Variants in PTPRD observed in about 807,000 individuals in gnomAD.
The protein encoded by PTPRD is protein tyrosine phosphatase receptor type D.
A neutral mutation model predicts 214.5 loss-of-function variants in PTPRD; 34 were observed. That is an observed-to-expected ratio of 0.16 (90% confidence interval 0.12 to 0.21). PTPRD has a LOEUF of 0.21. Among genes scored for constraint, PTPRD ranks in the 10% least tolerant of loss-of-function variants. The pLI is 1.00. For missense variants in PTPRD, 2,545 were observed against 2,398.7 expected, an observed-to-expected ratio of 1.06 and a Z score of -1.27; for synonymous variants, 1,128 against 845.7, an observed-to-expected ratio of 1.33 and a Z score of -5.79.
intron 5 of PTPRD, among the ~76,000 whole-genome samples, chr9:9,935,921 C>A (rs911819392): frequency 6.6e-6 from 1 of 150,672 alleles, no homozygotes; most frequent in African/African-American, 2.5e-5. Context: ...AGAAATAATG[C>A]TGCATATCTA....
chr9:8,818,083 T>C (rs1306409933), intron 11 of PTPRD, among the ~76,000 whole-genome samples: 1 of 152,224 alleles, frequency 6.6e-6, no homozygotes, highest in African/African-American at 2.4e-5. Flanking sequence ...GAATTTCAAT[T>C]GAACTACAAT....
At chr9:9,317,505 C>T (rs1963908274) in intron 9 of PTPRD, among the ~76,000 whole-genome samples, 1 of 152,088 alleles carries the variant, frequency 6.6e-6, no homozygotes. Context: ...GTCTACCCCA[C>T]CTCCTAAACG....
intron 8 of PTPRD, among the ~76,000 whole-genome samples, chr9:9,436,631 T>A (rs562389677): frequency 6.7e-6 from 1 of 149,668 alleles, no homozygotes; most frequent in East Asian, 1.9e-4. Flanking sequence ...CAAAGGCATA[T>A]GTGTCATTGT....
intron 9 of PTPRD, among the ~76,000 whole-genome samples, chr9:9,386,487 G>A (rs2063913357): frequency 6.6e-6 from 1 of 152,094 alleles, no homozygotes; most frequent in South Asian, 2.1e-4. Flanking sequence ...AGCTTCAACA[G>A]GGCAGTGGTG....
chr9:9,285,873 T>C (rs1229045857), intron 9 of PTPRD, among the ~76,000 whole-genome samples: 2 of 151,810 alleles, frequency 1.3e-5, no homozygotes, highest in Non-Finnish European at 2.9e-5. Flanking sequence ...TCTATCTATA[T>C]CTGTATCTAT....
rs751520215 is a variant in PTPRD at position 8,504,405 on chromosome 9, G to C, written c.1678C>G (p.Gln560Glu). 25 of 1,613,918 alleles carry C rather than the reference G, an allele frequency of 1.5e-5. No individual in the cohort carries two copies. The highest frequency in any genetic ancestry group is 6.7e-5 in the Admixed American group (4 of 59,986). The part of the protein sequence containing the change: ...VYKDGEHGEE[Q>E]RITIEPGTSY... The stretch of plus-strand genomic sequence containing the variant: ...GTCCCTGGCTCAATGGTAATTCGTT[G>C]CTGGAAGCAATAAGAGAATGTGGTC... The change falls in exon 23 of 46, where the codon CAA (glutamine) becomes GAA (glutamate). Residue 560 changes from glutamine (Q) to glutamate (E), a missense_variant and splice_region_variant. Physicochemically the swap from Gln to Glu is conservative, Grantham distance 29. Coordinates refer to ENST00000381196, the MANE Select transcript of PTPRD (RefSeq NM_002839.4).
intron 7 of PTPRD, among the ~76,000 whole-genome samples, chr9:9,624,018 G>A (rs185729170): frequency 2.0e-5 from 3 of 152,230 alleles, no homozygotes; most frequent in Non-Finnish European, 2.9e-5. Flanking sequence ...GGGAATATGA[G>A]CTCATAAAAA....
At chr9:9,310,756 A>G (rs1472804146) in intron 9 of PTPRD, among the ~76,000 whole-genome samples, 1 of 151,940 alleles carries the variant, frequency 6.6e-6, no homozygotes, top group African/African-American at 2.4e-5. Flanking sequence ...CGTCTCTACT[A>G]AAAATACAAA....
chr9:8,503,206 G>C (rs1255839010), intron 23 of PTPRD, among the ~76,000 whole-genome samples: 2 of 152,124 alleles, frequency 1.3e-5, no homozygotes, highest in Non-Finnish European at 2.9e-5. Context: ...TATAGAAAAT[G>C]AAATGGTGGA....
At chr9:8,967,607 CA>C (rs146781707) in intron 11 of PTPRD, among the ~76,000 whole-genome samples, 24,612 of 151,690 alleles carry the variant, frequency 0.16, 2,149 homozygotes, top group South Asian at 0.21. Flanking sequence ...AACGTGGTAT[CA>C]AAAAACAATA....
intron 2 of PTPRD, among the ~76,000 whole-genome samples, chr9:10,570,715 C>T (rs1322842556): frequency 6.6e-6 from 1 of 152,016 alleles, no homozygotes; most frequent in Non-Finnish European, 1.5e-5. Flanking sequence ...TTTACAAATG[C>T]GATTTTCCCA....
intron 5 of PTPRD, among the ~76,000 whole-genome samples, chr9:9,767,846 A>G (rs1597250189): frequency 6.6e-6 from 1 of 152,130 alleles, no homozygotes; most frequent in East Asian, 1.9e-4. Flanking sequence ...ACCTAACTGG[A>G]CCATCCAGTA....
rs546035253 is a variant in PTPRD, at chr9:8,826,892, T to TA, written c.-103-92947dup. On this transcript the variant is annotated intron_variant, in intron 11 of 45. Transcript: ENST00000381196. ...CACACACTGGTTCTCATCATATCTT[T>TA]AAAAAAGCTTATGGGATACCCAATG... Among the ~76,000 whole-genome samples the TA allele has an allele frequency of 3.3e-5, 5 of 152,186 alleles. No homozygotes were observed. In the South Asian group the frequency reaches 1.0e-3, roughly 32 times the overall value.
intron 12 of PTPRD, among the ~76,000 whole-genome samples, chr9:8,676,157 C>A (rs1468531761): frequency 6.6e-6 from 1 of 152,122 alleles, no homozygotes; most frequent in Non-Finnish European, 1.5e-5. Context: ...GCATGTAAAT[C>A]TCCATGCATT....
chr9:8,895,336 A>C (rs1402958187), intron 11 of PTPRD, among the ~76,000 whole-genome samples: 1 of 152,186 alleles, frequency 6.6e-6, no homozygotes, highest in Non-Finnish European at 1.5e-5. Flanking sequence ...GCCAAAATAA[A>C]AACATAAGTC....
chr9:10,377,278 C>T (rs765966264), intron 2 of PTPRD, among the ~76,000 whole-genome samples: 3 of 151,766 alleles, frequency 2.0e-5, no homozygotes, highest in African/African-American at 4.8e-5. Context: ...TGTATAAGTA[C>T]CACATTTTCT....
chr9:9,287,663 T>G (rs959433228), intron 9 of PTPRD, among the ~76,000 whole-genome samples: 2 of 151,958 alleles, frequency 1.3e-5, no homozygotes, highest in African/African-American at 2.4e-5. Context: ...AAGGTCCTAC[T>G]GTGAAACAGA....
intron 10 of PTPRD, among the ~76,000 whole-genome samples, chr9:9,166,873 A>C (rs1283799999): frequency 6.6e-6 from 1 of 152,198 alleles, no homozygotes; most frequent in Non-Finnish European, 1.5e-5. Flanking sequence ...GACTACCTAT[A>C]GTTATAAGAG....
chr9:8,347,671 T>A (rs2074254748), intron 39 of PTPRD, among the ~76,000 whole-genome samples: 1 of 152,064 alleles, frequency 6.6e-6, no homozygotes, highest in South Asian at 2.1e-4. Context: ...CACAGGGCCT[T>A]TAGGGAGGTA....
Sources: gnomAD v4.1 joint callset for allele counts (sites outside exome capture counted in the v4.1 genomes callset) on GRCh38, gnomAD v4.1.1 for gene constraint, MANE v1.5 for transcripts, NCBI Gene and HGNC (gene_info 2026-07-23, HGNC 2026-07-21) for gene names.